DLC1: variants seen among roughly 807,000 people sequenced by gnomAD.
DLC1 encodes DLC1 Rho GTPase activating protein.
Under a neutral mutation model 140.3 loss-of-function variants are expected in DLC1, and 54 were observed. The ratio of observed to expected loss-of-function variants is 0.38; its 90% CI spans 0.31 to 0.48. The LOEUF (loss-of-function observed/expected upper bound fraction) is 0.48, where lower values mean the gene tolerates loss of function less well. DLC1 is among the 20% of genes least tolerant of loss of function. The pLI, the probability that DLC1 is intolerant of heterozygous loss-of-function variation, is 0.96. For missense variants in DLC1, 2,536 were observed against 1,907.0 expected (o/e 1.33, Z -6.14); for synonymous variants, 986 against 728.1 (o/e 1.35, Z -5.70).
chr8:13,343,161 G>A (rs1016014707), intron 4 of DLC1, among the ~76,000 whole-genome samples: 1 of 152,178 alleles, frequency 6.6e-6, no homozygotes, highest in Non-Finnish European at 1.5e-5. Context: ...ACAAAGAAAG[G>A]TGAATTTATG....
chr8:13,282,534 C>T (rs1469950955), intron 5 of DLC1, among the ~76,000 whole-genome samples: 3 of 152,084 alleles, frequency 2.0e-5, no homozygotes, highest in Non-Finnish European at 4.4e-5. Flanking sequence ...TTAGCAAGAA[C>T]AGAATATCTA....
At chr8:13,561,752 G>A (rs1375193517) in intron 1 of DLC1, among the ~76,000 whole-genome samples, 1 of 151,996 alleles carries the variant, frequency 6.6e-6, no homozygotes, top group African/African-American at 2.4e-5. Context: ...AAACATTACA[G>A]AACTATGATA....
intron 5 of DLC1, among the ~76,000 whole-genome samples, chr8:13,171,753 A>T (rs529819579): frequency 6.6e-6 from 1 of 152,310 alleles, no homozygotes; most frequent in Admixed American, 6.5e-5. Context: ...AGCTGAACAT[A>T]TAACATCTAA....
intron 2 of DLC1, among the ~76,000 whole-genome samples, chr8:13,441,786 A>G (rs1798521266): frequency 6.6e-6 from 1 of 152,186 alleles, no homozygotes. Flanking sequence ...CATACTGCCC[A>G]AGGTAATTTA....
intron 2 of DLC1, among the ~76,000 whole-genome samples, chr8:13,442,161 C>T (rs1798542971): frequency 1.3e-5 from 2 of 152,162 alleles, no homozygotes; most frequent in Non-Finnish European, 2.9e-5. Flanking sequence ...ATGTAGAAAG[C>T]TGAAACTAGA....
At chr8:13,564,865 C>A (rs777172593) in intron 1 of DLC1, among the ~76,000 whole-genome samples, 21 of 152,136 alleles carry the variant, frequency 1.4e-4, no homozygotes, top group Non-Finnish European at 2.9e-4. Context: ...GCCAAGAGAG[C>A]CTGACTGGAC....
chr8:13,508,149 G>A (rs961029274), intron 1 of DLC1, among the ~76,000 whole-genome samples: 4 of 152,148 alleles, frequency 2.6e-5, no homozygotes, highest in Middle Eastern at 3.2e-3. Context: ...ATTTAATGTC[G>A]CTTCCAGTAG....
chr8:13,385,415 A>T (rs1224317726), intron 4 of DLC1, among the ~76,000 whole-genome samples: 1 of 152,216 alleles, frequency 6.6e-6, no homozygotes, highest in African/African-American at 2.4e-5. Flanking sequence ...TAGAAAGACT[A>T]GAGAAACGCT....
In DLC1 at chr8:13,500,164, CAAA is replaced by C. The variant is rs1282985121; in HGVS notation, c.-96_-94del. On this transcript the variant is annotated 5_prime_UTR_variant, in exon 2 of 18. Coordinates refer to ENST00000276297, the MANE Select transcript of DLC1 (RefSeq NM_182643.3). ...GAAAGATTATTTCAAAATCACCAAT[CAAA>C]GAAGCGAATGAGTTCTGTCATTTCA... The C allele has an allele frequency of 1.7e-6, 2 of 1,185,658 alleles. No homozygotes were observed. Among genetic ancestry groups the C allele is most frequent in the Non-Finnish European group, 2.4e-6 (2 of 848,712 alleles). The allele number at this position is 1,185,658 out of a possible 1,614,324, so 73.4% of individuals were successfully genotyped here.
rs536205309 is a variant in DLC1, at chr8:13,522,116, C to G, written c.-125-21920G>C. Among the ~76,000 whole-genome samples the G allele has an allele frequency of 1.3e-5, 2 of 152,204 alleles. 1 individual carries two copies. Among genetic ancestry groups the G allele is most frequent in the African/African-American group, 4.8e-5 (2 of 41,538 alleles). ...TTTATACCTACGACTTCCACCCGCT[C>G]CAAAAGGTGGGATGAGAATGTTTCC... On this transcript the variant is annotated intron_variant, in intron 1 of 1. Coordinates refer to the DLC1 transcript ENST00000631382.
At chr8:13,569,394 C>T (rs1424071017) in intron 1 of DLC1, among the ~76,000 whole-genome samples, 1 of 152,052 alleles carries the variant, frequency 6.6e-6, no homozygotes, top group African/African-American at 2.4e-5. Context: ...AGCATATTTC[C>T]CCTTAGTAAG....
intron 5 of DLC1, among the ~76,000 whole-genome samples, chr8:13,242,866 G>T (rs1214665020): frequency 6.6e-6 from 1 of 152,026 alleles, no homozygotes; most frequent in Non-Finnish European, 1.5e-5. Context: ...CCAGTTTAGT[G>T]AGCAGGACTG....
chr8:13,477,428 T>C (rs928858623), intron 2 of DLC1, among the ~76,000 whole-genome samples: 6 of 152,220 alleles, frequency 3.9e-5, no homozygotes, highest in African/African-American at 1.4e-4. Context: ...ATGTACATTG[T>C]ATTTCTATAA....
intron 5 of DLC1, among the ~76,000 whole-genome samples, chr8:13,154,775 A>AT (rs1257210103): frequency 6.6e-6 from 1 of 151,482 alleles, no homozygotes; most frequent in Non-Finnish European, 1.5e-5. Context: ...GCACACTCAT[A>AT]TTTAATGTAA....
At chr8:13,408,358 GTT>G (rs1302029944) in intron 2 of DLC1, among the ~76,000 whole-genome samples, 1 of 152,150 alleles carries the variant, frequency 6.6e-6, no homozygotes, top group Non-Finnish European at 1.5e-5. Flanking sequence ...TATATTATCT[GTT>G]TAAATTTATC....
rs150321782 is a variant in DLC1, at chr8:13,592,136, G to A, written c.-126+12401C>T. Among the ~76,000 whole-genome samples, 6 of 152,118 alleles carry A rather than the reference G, an allele frequency of 3.9e-5. No individual in the cohort carries two copies. The East Asian group carries it at 1.2e-3, about 30-fold the overall frequency. ...GTTTAGAATTTAAAGAGAGCAAGGG[G>A]CCTGAGCAAGTAGAAGAAGAGCAGC... On this transcript the variant is annotated intron_variant, in intron 1 of 1. Transcript: ENST00000631382.
intron 5 of DLC1, among the ~76,000 whole-genome samples, chr8:13,141,256 CAAAAAA>C (rs34321250): frequency 2.2e-4 from 14 of 63,804 alleles, no homozygotes; most frequent in African/African-American, 9.5e-4. Flanking sequence ...GAGTCTGTCT[CAAAAAA>C]AAAAAAAAAA....
intron 1 of DLC1, among the ~76,000 whole-genome samples, chr8:13,601,102 G>A (rs544460020): frequency 2.0e-5 from 3 of 151,530 alleles, no homozygotes; most frequent in South Asian, 2.1e-4. Context: ...ACACACCTTC[G>A]TCCCCATTAA....
At position 13,588,960 on chromosome 8, in the gene DLC1, G is replaced by A. The variant is rs75063867; in HGVS notation, c.-126+15577C>T. Among the ~76,000 whole-genome samples the A allele has an allele frequency of 2.0e-5, 3 of 152,188 alleles. No individual in the cohort carries two copies. In the East Asian group the frequency reaches 5.8e-4, roughly 29 times the overall value. On this transcript the variant is annotated intron_variant, in intron 1 of 1. Transcript: ENST00000631382. The stretch of plus-strand genomic sequence containing the variant: ...GGCAGTCAAATGGGTGACAGATGGA[G>A]TCAGATTGCCCTCACATTCCTATAA...
Sources: allele counts gnomAD v4.1 joint callset (sites outside exome capture counted in the v4.1 genomes callset), GRCh38; gene constraint gnomAD v4.1.1; transcripts MANE v1.5; gene names NCBI Gene and HGNC (gene_info 2026-07-23, HGNC 2026-07-21).